The following ZCCHC24 variants were observed in gnomAD, a reference collection of about 807,000 sequenced individuals.
ZCCHC24 encodes zinc finger CCHC-type containing 24, also known as zinc finger CCHC domain-containing protein 24.
Under a neutral mutation model 26.2 loss-of-function variants are expected in ZCCHC24, and 10 were observed. That is an observed-to-expected ratio of 0.38 (90% CI 0.24 to 0.65). The LOEUF (loss-of-function observed/expected upper bound fraction) is 0.65, where lower values mean the gene tolerates loss of function less well. ZCCHC24 is among the 30% of genes least tolerant of loss of function. The pLI, the probability that ZCCHC24 is intolerant of heterozygous loss-of-function variation, is 0.54. For missense variants in ZCCHC24, 243 were observed against 329.1 expected, an observed-to-expected ratio of 0.74 and a Z score of 2.03; for synonymous variants, 144 against 147.1, an observed-to-expected ratio of 0.98 and a Z score of 0.15.
intron 2 of ZCCHC24, among the ~76,000 whole-genome samples, chr10:79,406,651 C>T (rs1856718150): frequency 6.6e-6 from 1 of 152,188 alleles, no homozygotes; most frequent in African/African-American, 2.4e-5. Context: ...GGGGTTACCT[C>T]CACCAGCCAT....
At chr10:79,420,060 C>G (rs1856916822) in intron 2 of ZCCHC24, among the ~76,000 whole-genome samples, 2 of 148,022 alleles carry the variant, frequency 1.4e-5, no homozygotes, top group East Asian at 2.0e-4. Context: ...TGCCCCACCC[C>G]TCCAATCCCC....
rs993029263 is a variant in ZCCHC24 at position 79,432,486 on chromosome 10, C to T, written c.447+72G>A. The T allele has an allele frequency of 6.0e-6, 9 of 1,508,238 alleles. No homozygotes were observed. In the African/African-American group the frequency reaches 1.3e-4, roughly 21 times the overall value. 93.4% of individuals were successfully genotyped at this position (1,508,238 alleles called of 1,614,324 possible). A position where few individuals can be genotyped will look rare whatever the true frequency, so the allele number is the denominator to read the frequency against. On this transcript the variant is annotated intron_variant, in intron 2 of 3. Coordinates refer to ENST00000372336, the MANE Select transcript of ZCCHC24 (RefSeq NM_153367.4). Reference sequence around the variant, plus strand: ...GCCCTGGGGACACTGCTTCGCCTGCCCTACCCACAGGAGCCTGTCCGCAGG... The same window carrying T: ...GCCCTGGGGACACTGCTTCGCCTGCTCTACCCACAGGAGCCTGTCCGCAGG...
intron 1 of ZCCHC24, among the ~76,000 whole-genome samples, chr10:79,434,539 C>T (rs1354872563): frequency 3.9e-5 from 6 of 152,140 alleles, no homozygotes; most frequent in Non-Finnish European, 5.9e-5. Context: ...AAATTTTACA[C>T]GTATTCAGAT....
At chr10:79,434,133 C>T (rs1215955792) in intron 1 of ZCCHC24, among the ~76,000 whole-genome samples, 1 of 152,212 alleles carries the variant, frequency 6.6e-6, no homozygotes, top group East Asian at 1.9e-4. Flanking sequence ...TGTTCCGTCT[C>T]GTGTGCATCT....
In ZCCHC24 at chr10:79,445,622, A is replaced by C. The variant is rs1857358018; in HGVS notation, c.-182T>G. ...CTGCCGCTGCCGCCGCCTCCCCCCG[A>C]CTGCGGCCCCGGCGCGCGCAGGCGG... On this transcript the variant is annotated 5_prime_UTR_variant, in exon 1 of 4. Transcript: ENST00000372336. The C allele has an allele frequency of 2.8e-6, 1 of 359,780 alleles. No individual in the cohort carries two copies. The highest frequency in any genetic ancestry group is 3.9e-6 in the Non-Finnish European group (1 of 257,164). 22.3% of individuals were successfully genotyped at this position (359,780 alleles called of 1,614,324 possible).
At chr10:79,428,461 TTG>T (rs1403382983) in intron 2 of ZCCHC24, among the ~76,000 whole-genome samples, 4 of 63,474 alleles carry the variant, frequency 6.3e-5, no homozygotes, top group African/African-American at 3.9e-4. Flanking sequence ...AATTTCAGTT[TTG>T]CAAGATAAAT....
chr10:79,402,254 G>C (rs1442168580), intron 2 of ZCCHC24, among the ~76,000 whole-genome samples: 1 of 152,188 alleles, frequency 6.6e-6, no homozygotes, highest in Non-Finnish European at 1.5e-5. Flanking sequence ...GCCTGTCTTA[G>C]ATACTTGGTT....
At chr10:79,429,834 T>C (rs3997796) in intron 2 of ZCCHC24, among the ~76,000 whole-genome samples, 72,427 of 152,046 alleles carry the variant, frequency 0.48, 17,619 homozygotes, top group Admixed American at 0.56. Flanking sequence ...CACAGGTTTC[T>C]TTCTGTGGTT....
intron 2 of ZCCHC24, among the ~76,000 whole-genome samples, chr10:79,400,761 G>C (rs1364380696): frequency 1.3e-5 from 2 of 152,222 alleles, no homozygotes; most frequent in Non-Finnish European, 2.9e-5. Context: ...CTGGGCACTG[G>C]CTGGCTTCAG....
intron 2 of ZCCHC24, among the ~76,000 whole-genome samples, chr10:79,412,476 T>C (rs1856806475): frequency 6.6e-6 from 1 of 152,194 alleles, no homozygotes; most frequent in Admixed American, 6.5e-5. Flanking sequence ...GTTCCACCCA[T>C]CTCCAGGGAC....
At chr10:79,439,792 C>CAAAAAAAAA (rs3997794) in intron 1 of ZCCHC24, among the ~76,000 whole-genome samples, 1 of 116,174 alleles carries the variant, frequency 8.6e-6, no homozygotes. Context: ...CAGACTCCAT[C>CAAAAAAAAA]AAAAAAAAAA....
At position 79,445,388 on chromosome 10, in the gene ZCCHC24, G is replaced by C. The variant is rs1449615936; in HGVS notation, c.53C>G (p.Ala18Gly). The C allele has an allele frequency of 6.6e-7, 1 of 1,521,274 alleles. No individual in the cohort carries two copies. The highest frequency in any genetic ancestry group is 8.8e-7 in the Non-Finnish European group (1 of 1,135,462). 94.2% of individuals were successfully genotyped at this position (1,521,274 alleles called of 1,614,324 possible). The part of the protein sequence containing the change: ...DTSAASVYQP[A>G]QLLNWVYLSL... ...CAGGTAGACCCAGTTGAGCAGCTGG[G>C]CGGGCTGGTACACCGAGGCGGCGCT... The change falls in exon 1 of 4, where the codon GCC becomes GGC. Residue 18 changes from alanine to glycine, a missense_variant. By Grantham distance (60) the Ala-to-Gly change is moderately conservative. This residue lies in a region of ZCCHC24 where 147 missense variants were observed against 150.8 expected (regional missense o/e 0.97). Coordinates refer to ENST00000372336, the MANE Select transcript of ZCCHC24 (RefSeq NM_153367.4).
intron 1 of ZCCHC24, among the ~76,000 whole-genome samples, chr10:79,436,146 G>A (rs1857215737): frequency 6.6e-6 from 1 of 152,100 alleles, no homozygotes; most frequent in African/African-American, 2.4e-5. Flanking sequence ...GGAGTGCAAG[G>A]TGGCCCTAAA....
chr10:79,398,638 A>G (rs1392379255), intron 2 of ZCCHC24, among the ~76,000 whole-genome samples: 2 of 152,194 alleles, frequency 1.3e-5, no homozygotes, highest in Non-Finnish European at 2.9e-5. Context: ...AAAAGAAGAA[A>G]CAGCATTAGG....
chr10:79,413,974 G>C (rs1274796391), intron 2 of ZCCHC24, among the ~76,000 whole-genome samples: 1 of 152,180 alleles, frequency 6.6e-6, no homozygotes, highest in African/African-American at 2.4e-5. Flanking sequence ...CCTCACACTT[G>C]CTCCACCTTC....
chr10:79,423,835 T>TGGTAAAACTCC (rs1185465348), intron 2 of ZCCHC24, among the ~76,000 whole-genome samples: 27 of 150,028 alleles, frequency 1.8e-4, no homozygotes, highest in African/African-American at 6.1e-4. Context: ...CTGGCCAACA[T>TGGTAAAACTCC]GGTAAAACTC....
chr10:79,383,561 T>C lies in ZCCHC24; in HGVS notation c.*2784A>G, dbSNP rs575942467. 4 of 152,478 alleles carry C rather than the reference T, an allele frequency of 2.6e-5. No individual in the cohort carries two copies. The highest frequency in any genetic ancestry group is 7.2e-5 in the African/African-American group (3 of 41,576). 9.4% of individuals were successfully genotyped at this position (152,478 alleles called of 1,614,324 possible). A position where few individuals can be genotyped will look rare whatever the true frequency, so the allele number is the denominator to read the frequency against. On this transcript the variant is annotated 3_prime_UTR_variant, in exon 4 of 4. Coordinates refer to ENST00000372336, the MANE Select transcript of ZCCHC24 (RefSeq NM_153367.4). ...TATTCTCTTGCCCTCCTGAAAGTTC[T>C]GAAATTTTGAAAATGCCTCTCTTTT...
intron 2 of ZCCHC24, among the ~76,000 whole-genome samples, chr10:79,399,311 AC>A (rs1287010486): frequency 3.3e-5 from 5 of 151,902 alleles, no homozygotes; most frequent in African/African-American, 1.2e-4. Context: ...CTCACCACAC[AC>A]CCCCCTGCCT....
intron 3 of ZCCHC24, among the ~76,000 whole-genome samples, chr10:79,389,568 C>G (rs3221729): frequency 0.016 from 1,592 of 98,860 alleles, 26 homozygotes; most frequent in African/African-American, 0.057. Context: ...GTGTGTGTGT[C>G]TGTGTGATAG....
Sources: allele counts gnomAD v4.1 joint callset (sites outside exome capture counted in the v4.1 genomes callset), GRCh38; gene constraint gnomAD v4.1.1; regional missense constraint gnomAD v4.1.1; transcripts MANE v1.5; gene names NCBI Gene and HGNC (gene_info 2026-07-23, HGNC 2026-07-21).